The following GRIK4 variants were observed in gnomAD, a reference collection of about 807,000 sequenced individuals.
GRIK4 encodes glutamate receptor ionotropic, kainate 4.
Under a neutral mutation model 104.9 loss-of-function variants are expected in GRIK4, and 40 were observed. The ratio of observed to expected loss-of-function variants is 0.38; its 90% CI spans 0.30 to 0.50. The LOEUF (loss-of-function observed/expected upper bound fraction) is 0.50, where lower values mean the gene tolerates loss of function less well. Among genes scored for constraint, GRIK4 ranks in the 20% least tolerant of loss-of-function variants. The probability of loss-of-function intolerance (pLI) is 0.93; values close to 1 mark genes in which losing one functional copy is unlikely to be tolerated. For synonymous variants in GRIK4, 485 were observed against 524.9 expected (o/e 0.92, Z 1.04); for missense variants, 1,047 against 1,308.1 (o/e 0.80, Z 3.08).
chr11:120,968,577 T>A (rs950839715), intron 19 of GRIK4, among the ~76,000 whole-genome samples: 2 of 152,124 alleles, frequency 1.3e-5, no homozygotes, highest in Non-Finnish European at 2.9e-5. Flanking sequence ...CAAGAAGAGG[T>A]CTCAAGAATA....
chr11:120,642,403 C>T lies in GRIK4; in HGVS notation c.-158-11282C>T, dbSNP rs78562158. On this transcript the variant is annotated intron_variant, in intron 1 of 20. Coordinates refer to ENST00000527524, the MANE Select transcript of GRIK4 (RefSeq NM_014619.5). ...CACGAAAAGAACATTGACGGAGCAGCTGGGAGATGCGGGTATTAGAACCTG... is the reference window on the plus strand; with the variant it reads ...CACGAAAAGAACATTGACGGAGCAGTTGGGAGATGCGGGTATTAGAACCTG... Among the ~76,000 whole-genome samples, 125 of 152,048 alleles carry T rather than the reference C, an allele frequency of 8.2e-4. 1 individual carries two copies. The highest frequency in any genetic ancestry group is 1.4e-3 in the Non-Finnish European group (92 of 68,000).
At chr11:120,822,211 C>CA (rs34732807) in intron 6 of GRIK4, among the ~76,000 whole-genome samples, 721 of 71,268 alleles carry the variant, frequency 0.01, 5 homozygotes, top group Middle Eastern at 0.018. Context: ...AACCCTATCT[C>CA]AAAAAAAAAA....
chr11:120,713,309 A>G (rs10736504), intron 3 of GRIK4, among the ~76,000 whole-genome samples: 93,805 of 152,066 alleles, frequency 0.62, 31,127 homozygotes, highest in African/African-American at 0.88. Context: ...CATGCTAAGC[A>G]CACCCCCTCC....
intron 3 of GRIK4, among the ~76,000 whole-genome samples, chr11:120,787,319 A>G (rs1591913570): frequency 6.6e-6 from 1 of 152,178 alleles, no homozygotes; most frequent in South Asian, 2.1e-4. Context: ...GCAGAGTGAG[A>G]CCCTGTCTCA....
chr11:120,966,088 A>G (rs1006891316), intron 18 of GRIK4, among the ~76,000 whole-genome samples: 9 of 152,220 alleles, frequency 5.9e-5, no homozygotes, highest in Admixed American at 5.9e-4. Flanking sequence ...TCTAAATTCT[A>G]GAACCAAAGC....
chr11:120,525,321 G>A (rs71484178), intron 1 of GRIK4, among the ~76,000 whole-genome samples: 11,402 of 152,206 alleles, frequency 0.075, 473 homozygotes, highest in Middle Eastern at 0.095. Context: ...TTGAAATGGG[G>A]TCCCCTGGCC....
At chr11:120,947,335 G>A (rs1404745680) in intron 14 of GRIK4, among the ~76,000 whole-genome samples, 1 of 151,694 alleles carries the variant, frequency 6.6e-6, no homozygotes, top group Non-Finnish European at 1.5e-5. Context: ...CCGGGAGGTG[G>A]AGGTTGTAGT....
At chr11:120,849,400 T>C (rs1565391138) in intron 8 of GRIK4, among the ~76,000 whole-genome samples, 1 of 152,224 alleles carries the variant, frequency 6.6e-6, no homozygotes, top group Non-Finnish European at 1.5e-5. Context: ...TTGTTAAAGA[T>C]TCAGAAGTTG....
At chr11:120,522,640 C>T (rs1278606611) in intron 1 of GRIK4, among the ~76,000 whole-genome samples, 1 of 152,194 alleles carries the variant, frequency 6.6e-6, no homozygotes, top group Non-Finnish European at 1.5e-5. Context: ...CTTTGTTCTG[C>T]ACCCTCCTTG....
chr11:120,892,050 C>T (rs1955316338), intron 11 of GRIK4, among the ~76,000 whole-genome samples: 1 of 152,178 alleles, frequency 6.6e-6, no homozygotes, highest in Non-Finnish European at 1.5e-5. Flanking sequence ...TGCATTCCAC[C>T]TGCAGTCCCG....
chr11:120,559,336 C>T (rs111552207), intron 1 of GRIK4, among the ~76,000 whole-genome samples: 2 of 152,286 alleles, frequency 1.3e-5, no homozygotes, highest in Admixed American at 6.5e-5. Context: ...GACAGCCATC[C>T]TTTGTTGGGT....
At chr11:120,578,660 G>A (rs181180404) in intron 1 of GRIK4, among the ~76,000 whole-genome samples, 15 of 152,294 alleles carry the variant, frequency 9.8e-5, no homozygotes, top group African/African-American at 3.6e-4. Flanking sequence ...ATTGGATTCC[G>A]AATCCCAACA....
chr11:120,604,582 TA>T (rs1948934222), intron 1 of GRIK4, among the ~76,000 whole-genome samples: 1 of 151,936 alleles, frequency 6.6e-6, no homozygotes, highest in African/African-American at 2.4e-5. Context: ...TGAAGACAAA[TA>T]CAGACAGGGG....
chr11:120,876,284 CCAT>C (rs1417356622), intron 11 of GRIK4, among the ~76,000 whole-genome samples: 7 of 136,130 alleles, frequency 5.1e-5, no homozygotes, highest in African/African-American at 5.7e-5. Context: ...ACCACTACCA[CCAT>C]CATCACCACC....
intron 14 of GRIK4, among the ~76,000 whole-genome samples, chr11:120,941,671 T>A (rs923094182): frequency 6.6e-6 from 1 of 151,752 alleles, no homozygotes; most frequent in Admixed American, 6.6e-5. Flanking sequence ...CACAGACACA[T>A]AGAGGAGAAT....
chr11:120,767,862 T>G (rs919310875), intron 3 of GRIK4, among the ~76,000 whole-genome samples: 11 of 152,190 alleles, frequency 7.2e-5, no homozygotes, highest in African/African-American at 2.2e-4. Context: ...ACTGTTTATG[T>G]TTGGATTCAT....
At chr11:120,857,898 A>C (rs957596046) in intron 8 of GRIK4, among the ~76,000 whole-genome samples, 2 of 152,230 alleles carry the variant, frequency 1.3e-5, no homozygotes, top group Admixed American at 1.3e-4. Context: ...AAACAATGCA[A>C]CATGGGGTCC....
intron 8 of GRIK4, among the ~76,000 whole-genome samples, chr11:120,861,093 CTTTTTTTTTTTT>C (rs547199127): frequency 0.013 from 1,126 of 86,530 alleles, 24 homozygotes; most frequent in African/African-American, 0.046. Flanking sequence ...AAATCATCCT[CTTTTTTTTTTTT>C]TTTTTTTTTT....
At chr11:120,737,500 T>G (rs776739781) in intron 3 of GRIK4, among the ~76,000 whole-genome samples, 2 of 152,180 alleles carry the variant, frequency 1.3e-5, no homozygotes, top group Non-Finnish European at 2.9e-5. Flanking sequence ...CAGTTCAACG[T>G]GTTGAACTGC....
Sources: allele counts gnomAD v4.1 joint callset (sites outside exome capture counted in the v4.1 genomes callset), GRCh38; gene constraint gnomAD v4.1.1; transcripts MANE v1.5; gene names NCBI Gene and HGNC (gene_info 2026-07-23, HGNC 2026-07-21).